SSH1: variants seen among roughly 807,000 people sequenced by gnomAD.
SSH1 encodes the protein protein phosphatase Slingshot homolog 1.
In SSH1, 43 loss-of-function variants were observed where a neutral mutation model predicts 79.7. The ratio of observed to expected loss-of-function variants is 0.54; its 90% CI spans 0.42 to 0.70. SSH1 has a LOEUF of 0.70. Ranked by LOEUF, SSH1 falls within the 30% of genes least tolerant of loss-of-function variation. SSH1 has a pLI of 0.00. For missense variants in SSH1, 1,206 were observed against 1,358.8 expected (o/e 0.89, Z 1.77); for synonymous variants, 599 against 538.3 (o/e 1.11, Z -1.56).
chr12:108,798,761 C>A (rs558442588), intron 13 of SSH1, among the ~76,000 whole-genome samples: 3 of 152,384 alleles, frequency 2.0e-5, no homozygotes, highest in Admixed American at 6.5e-5. Flanking sequence ...AGCAGCAAAA[C>A]CAGCTTTATG....
At chr12:108,848,099 G>A (rs1347453569) in intron 2 of SSH1, among the ~76,000 whole-genome samples, 3 of 152,162 alleles carry the variant, frequency 2.0e-5, no homozygotes, top group Non-Finnish European at 4.4e-5. Flanking sequence ...CGCCGGTGAC[G>A]CTGGAGCTCA....
Position 108,857,403 on chromosome 12 carries a change from C to G in SSH1, c.69+25G>C, listed in dbSNP as rs535437523. 40 of 1,019,278 alleles carry G rather than the reference C, an allele frequency of 3.9e-5. No individual in the cohort carries two copies. Among genetic ancestry groups the G allele is most frequent in the African/African-American group, 3.0e-4 (17 of 57,470 alleles). 63.1% of individuals were successfully genotyped at this position (1,019,278 alleles called of 1,614,324 possible). A position where few individuals can be genotyped will look rare whatever the true frequency, so the allele number is the denominator to read the frequency against. The stretch of plus-strand genomic sequence containing the variant: ...CGGCGCGGCGTCCGGCGGCCCAGGC[C>G]GGGCGCGGCGAGCCCGGGGCTCACC... On this transcript the variant is annotated intron_variant, in intron 1 of 14. Coordinates refer to ENST00000326495, the MANE Select transcript of SSH1 (RefSeq NM_018984.4). The surrounding 1 kb of genome is among the most constrained non-coding windows in gnomAD (Gnocchi z 4.7).
chr12:108,834,958 C>T (rs2038563866), intron 2 of SSH1, among the ~76,000 whole-genome samples: 1 of 152,216 alleles, frequency 6.6e-6, no homozygotes, highest in South Asian at 2.1e-4. Context: ...ACTCCCCACA[C>T]ACAGGTTGAA....
At chr12:108,796,747 CT>C (rs781534722) in intron 13 of SSH1, among the ~76,000 whole-genome samples, 2,100 of 144,052 alleles carry the variant, frequency 0.015, 10 homozygotes, top group Middle Eastern at 0.028. Flanking sequence ...AATTTTATTC[CT>C]TTTTTTTTTT....
chr12:108,801,732 G>A (rs201272726), intron 11 of SSH1, among the ~76,000 whole-genome samples: 1 of 110,246 alleles, frequency 9.1e-6, no homozygotes, highest in African/African-American at 3.4e-5. Context: ...TGGCTGTGTT[G>A]TTTTAAAAAA....
rs903776307 is a variant in SSH1 at position 108,786,093 on chromosome 12, G to T, written c.*1895C>A. 2.0e-5 allele frequency: 3 copies of T among 152,238 alleles called. No individual in the cohort carries two copies. Among genetic ancestry groups the T allele is most frequent in the African/African-American group, 7.2e-5 (3 of 41,456 alleles). The allele number at this position is 152,238 out of a possible 1,614,324, so 9.4% of individuals were successfully genotyped here. A position where few individuals can be genotyped will look rare whatever the true frequency, so the allele number is the denominator to read the frequency against. ...ACTAGGTAAAATATGAACTAGCCTTGTTCCTGCAGATCCCTCCTGGGGTGC... is the reference window on the plus strand; with the variant it reads ...ACTAGGTAAAATATGAACTAGCCTTTTTCCTGCAGATCCCTCCTGGGGTGC... On this transcript the variant is annotated 3_prime_UTR_variant, in exon 15 of 15. Coordinates refer to ENST00000326495, the MANE Select transcript of SSH1 (RefSeq NM_018984.4).
chr12:108,806,486 G>A, intron 8 of SSH1, 92 bp from the exon 9 acceptor site: 1 of 1,171,004 alleles, frequency 8.5e-7, no homozygotes, highest in East Asian at 2.3e-5. Context: ...GGTCTAAACA[G>A]AACACGGCTT....
chr12:108,826,256 C>T (rs533661668), intron 2 of SSH1: 1 of 423,932 alleles, frequency 2.4e-6, no homozygotes, highest in East Asian at 7.0e-5. Flanking sequence ...TCTGTGATCA[C>T]TTACAAGGCC....
Position 108,852,666 on chromosome 12 carries a change from T to C in SSH1, c.82A>G (p.Ser28Gly). The stretch of plus-strand genomic sequence containing the variant: ...AGGTTTAATTTTCGATCTTCTTCGC[T>C]GCCAGCCTCCAACTACAGAGAAAGA... ...SASNSELEAG[S>G]EEDRKLNLSL... The change falls in exon 2 of 15, where the codon AGC becomes GGC. Residue 28 changes from serine to glycine, a missense_variant. Ser to Gly is a moderately conservative substitution (Grantham distance 56, BLOSUM62 0). Coordinates refer to ENST00000326495, the MANE Select transcript of SSH1 (RefSeq NM_018984.4). The C allele has an allele frequency of 1.9e-6, 3 of 1,614,200 alleles. No individual in the cohort carries two copies. The highest frequency in any genetic ancestry group is 1.1e-5 in the South Asian group (1 of 91,084).
At position 108,807,754 on chromosome 12, in the gene SSH1, G is replaced by C; in HGVS notation, c.610C>G (p.Leu204Val). 8.7e-6 allele frequency: 14 copies of C among 1,613,736 alleles called. No homozygotes were observed. Among genetic ancestry groups the C allele is most frequent in the Non-Finnish European group, 1.2e-5 (14 of 1,179,808 alleles). The stretch of plus-strand genomic sequence containing the variant: ...CTCTCATAGTAGGTAGCCCAGATGA[G>C]AGCTACACCCCCGGGGAAGTAGTTG... ...RHNYFPGGVA[L>V]IWATYYESCI... is the part of the protein sequence containing the mutation. The change falls in exon 8 of 15, where the codon CTC becomes GTC. Residue 204 changes from leucine to valine, a missense_variant. Physicochemically the swap from Leu to Val is conservative, Grantham distance 32. Transcript: ENST00000326495. This position sits in a 1 kb window ranked among gnomAD's most constrained non-coding sequence, Gnocchi z 5.2.
intron 2 of SSH1, among the ~76,000 whole-genome samples, chr12:108,842,689 T>A (rs2038808298): frequency 6.6e-6 from 1 of 152,156 alleles, no homozygotes; most frequent in Non-Finnish European, 1.5e-5. Context: ...TCTGATAAAC[T>A]CCATTCTGTC....
chr12:108,826,289 T>C (rs760664772), intron 2 of SSH1: 9 of 387,678 alleles, frequency 2.3e-5, no homozygotes, highest in Non-Finnish European at 4.5e-5. Flanking sequence ...TCCATGTTCC[T>C]ACACTGATAA....
At chr12:108,843,015 C>A (rs995682494) in intron 2 of SSH1, among the ~76,000 whole-genome samples, 9 of 152,142 alleles carry the variant, frequency 5.9e-5, no homozygotes, top group Non-Finnish European at 1.0e-4. Context: ...GGGCACTTAC[C>A]AACACACGAT....
chr12:108,827,455 A>G (rs1453641829), intron 2 of SSH1: 6 of 1,303,886 alleles, frequency 4.6e-6, no homozygotes, highest in Non-Finnish European at 3.9e-6. Context: ...GAGTGCTTCC[A>G]CGAGGGCTGG....
At chr12:108,825,369 A>G (rs796611451) in intron 2 of SSH1, among the ~76,000 whole-genome samples, 3 of 152,382 alleles carry the variant, frequency 2.0e-5, no homozygotes, top group African/African-American at 7.2e-5. Context: ...AGTCTAAAGT[A>G]TGACTCTGGG....
In SSH1 at chr12:108,788,523, A is replaced by G. The variant is rs1212557205; in HGVS notation, c.2615T>C (p.Val872Ala). Reference sequence around the variant, plus strand: ...ATCACTCCCGGCCTGGCTGGGCATAACCAGGGGGCCCAGCTCGTGGAGCGC... The same window carrying G: ...ATCACTCCCGGCCTGGCTGGGCATAGCCAGGGGGCCCAGCTCGTGGAGCGC... Reference protein sequence around the residue: ...PAALHELGPLVMPSQAGSDEK... With the variant: ...PAALHELGPLAMPSQAGSDEK... The change falls in exon 15 of 15, where the codon GTT (valine) becomes GCT (alanine). Residue 872 changes from valine (V) to alanine (A), a missense_variant. Coordinates refer to ENST00000326495, the MANE Select transcript of SSH1 (RefSeq NM_018984.4). The G allele has an allele frequency of 6.4e-7, 1 of 1,562,840 alleles. No homozygotes were observed. Among genetic ancestry groups the G allele is most frequent in the Non-Finnish European group, 8.7e-7 (1 of 1,155,338 alleles).
chr12:108,814,449 G>C (rs994904895), intron 5 of SSH1, among the ~76,000 whole-genome samples: 1 of 151,992 alleles, frequency 6.6e-6, no homozygotes, highest in Non-Finnish European at 1.5e-5. Flanking sequence ...GGCTTCTGGC[G>C]GGGACCTGGA....
chr12:108,793,566 T>C (rs558260177), intron 13 of SSH1, among the ~76,000 whole-genome samples: 1 of 152,198 alleles, frequency 6.6e-6, no homozygotes, highest in African/African-American at 2.4e-5. Flanking sequence ...AATTTTTAAA[T>C]TATTTTTTTT....
At chr12:108,798,554 G>A (rs1030613258) in intron 13 of SSH1, among the ~76,000 whole-genome samples, 1 of 141,454 alleles carries the variant, frequency 7.1e-6, no homozygotes, top group Non-Finnish European at 1.5e-5. Flanking sequence ...GAAGACTGAT[G>A]GGCTTGCCCT....
Sources: allele counts gnomAD v4.1 joint callset (sites outside exome capture counted in the v4.1 genomes callset), GRCh38; gene constraint gnomAD v4.1.1; non-coding constraint Gnocchi (gnomAD v3.1); transcripts MANE v1.5; gene names NCBI Gene and HGNC (gene_info 2026-07-23, HGNC 2026-07-21).